The following PURG variants were observed in gnomAD, a reference collection of about 807,000 sequenced individuals.
PURG encodes the protein purine rich element binding protein G.
A neutral mutation model predicts 24.3 loss-of-function variants in PURG; 3 were observed. That is an observed-to-expected ratio of 0.12 (90% CI 0.06 to 0.32). The LOEUF (loss-of-function observed/expected upper bound fraction) is 0.32. Ranked by LOEUF, PURG falls within the 10% of genes least tolerant of loss-of-function variation. The pLI is 1.00. For synonymous variants in PURG, 180 were observed against 173.1 expected (o/e 1.04, Z -0.31); for missense variants, 371 against 439.1 (o/e 0.84, Z 1.39).
At position 31,017,327 on chromosome 8, in the gene PURG, CATATA is replaced by C. The variant is rs1036798078; in HGVS notation, c.864+14587_864+14591del. On this transcript the variant is annotated intron_variant, in intron 1 of 1. Coordinates refer to the PURG transcript ENST00000339382. ...TTGGGATCTCTTTTAAAAATTTTTACATATATATGTAAAAAATTGTATATATATGC... is the reference window on the plus strand; with the variant it reads ...TTGGGATCTCTTTTAAAAATTTTTACTATGTAAAAAATTGTATATATATGC... 4.0e-5 allele frequency among the ~76,000 whole-genome samples: 6 copies of C among 151,792 alleles called. 1 individual carries two copies. Among genetic ancestry groups the C allele is most frequent in the African/African-American group, 1.5e-4 (6 of 41,370 alleles).
intron 1 of PURG, among the ~76,000 whole-genome samples, chr8:31,001,534 C>T (rs10954771): frequency 0.57 from 86,672 of 151,972 alleles, 25,538 homozygotes; most frequent in East Asian, 0.96. Context: ...TGTGAGTACC[C>T]GTACTGTATG....
intron 1 of PURG, among the ~76,000 whole-genome samples, chr8:30,997,746 T>A (rs1291896301): frequency 6.6e-6 from 1 of 151,798 alleles, no homozygotes. Flanking sequence ...TCCTTATGAA[T>A]GTCAGAAAGA....
intron 1 of PURG, among the ~76,000 whole-genome samples, chr8:31,023,528 G>A (rs1228719303): frequency 1.3e-5 from 2 of 149,550 alleles, no homozygotes; most frequent in Non-Finnish European, 3.0e-5. Flanking sequence ...CTGGGCGATA[G>A]AGTGAGACTG....
chr8:31,016,047 T>C (rs1039360099), intron 1 of PURG, among the ~76,000 whole-genome samples: 2 of 151,914 alleles, frequency 1.3e-5, no homozygotes, highest in African/African-American at 2.4e-5. Context: ...AACAAGACCC[T>C]GTCTCAAAAA....
downstream of PURG, among the ~76,000 whole-genome samples, chr8:31,028,781 C>A (rs955556880): frequency 1.3e-5 from 2 of 151,840 alleles, no homozygotes. Flanking sequence ...CAAGAGGAAC[C>A]CGTTTCCAAA....
chr8:31,013,106 A>G (rs1244641454), intron 1 of PURG, among the ~76,000 whole-genome samples: 1 of 152,282 alleles, frequency 6.6e-6, no homozygotes, highest in East Asian at 1.9e-4. Flanking sequence ...AATATGCTTC[A>G]AGTCAGATGC....
At chr8:31,006,432 A>C (rs1211636087) in intron 1 of PURG, among the ~76,000 whole-genome samples, 1 of 152,160 alleles carries the variant, frequency 6.6e-6, no homozygotes, top group Non-Finnish European at 1.5e-5. Context: ...TGTCTCTACT[A>C]AAAATATAAA....
At chr8:31,019,185 AT>A in intron 1 of PURG, among the ~76,000 whole-genome samples, 1 of 115,878 alleles carries the variant, frequency 8.6e-6, no homozygotes, top group Non-Finnish European at 1.8e-5. Flanking sequence ...ATATATATAT[AT>A]ATATATATGG....
At chr8:31,023,723 T>C (rs2129833165) in intron 1 of PURG, among the ~76,000 whole-genome samples, 1 of 152,264 alleles carries the variant, frequency 6.6e-6, no homozygotes, top group South Asian at 2.1e-4. Context: ...ACAAGTCCTC[T>C]AAAACAGAAC....
At position 31,032,606 on chromosome 8, in the gene PURG, C is replaced by G. The variant is rs767462226; in HGVS notation, c.177G>C (p.Glu59Asp). 6.8e-6 allele frequency: 11 copies of G among 1,608,390 alleles called. No individual in the cohort carries two copies. The highest frequency in any genetic ancestry group is 8.5e-6 in the Non-Finnish European group (10 of 1,176,284). The part of the protein sequence containing the change: ...NQAGGAAEIQ[E>D]LASKRVDIQK... Reference sequence around the variant, plus strand: ...GGATGTCCACTCGTTTGGAGGCCAGCTCCTGGATTTCGGCTGCGCCCCCGG... The same window carrying G: ...GGATGTCCACTCGTTTGGAGGCCAGGTCCTGGATTTCGGCTGCGCCCCCGG... The change falls in exon 2 of 2, where the codon GAG becomes GAC. Residue 59 changes from glutamate to aspartate, a missense_variant. Glu to Asp is a conservative substitution (Grantham distance 45). Around this residue, in one of 5 missense-constraint regions of PURG, gnomAD observed 213 missense variants for 230.6 expected, o/e 0.92. Coordinates refer to ENST00000523392, the MANE Select transcript of PURG (RefSeq NM_001323311.2). The surrounding 1 kb of genome is among the most constrained non-coding windows in gnomAD (Gnocchi z 5.9).
At chr8:31,019,221 T>C (rs1223580959) in intron 1 of PURG, among the ~76,000 whole-genome samples, 2 of 131,358 alleles carry the variant, frequency 1.5e-5, no homozygotes, top group African/African-American at 5.8e-5. Context: ...AACATATTAA[T>C]TATAGTACAG....
rs76627529 is a variant in PURG, at chr8:31,009,670, A to G, written c.865-12973T>C. 5.9e-3 allele frequency among the ~76,000 whole-genome samples: 893 copies of G among 152,300 alleles called. 11 individuals carry two copies. Among genetic ancestry groups the G allele is most frequent in the African/African-American group, 0.021 (859 of 41,554 alleles). On this transcript the variant is annotated intron_variant, in intron 1 of 1. Coordinates refer to the PURG transcript ENST00000339382. The stretch of plus-strand genomic sequence containing the variant: ...GATTTTCTGCTTTAATAAATACAAC[A>G]TAATAAATGTGATTAAATTTTGCAT...
Position 31,033,091 on chromosome 8 carries a change from T to G in PURG, c.-20A>C, listed in dbSNP as rs1454815733. On this transcript the variant is annotated 5_prime_UTR_variant, in exon 1 of 2. An upstream start codon of the reference 5' UTR is lost. Coordinates refer to ENST00000523392, the MANE Select transcript of PURG (RefSeq NM_001323311.2). ...GCGGGCACTCACATCATCTCTGCCA[T>G]CACCGCCGCCGCCGATGCCCTTCAC... 9.5e-6 allele frequency: 2 copies of G among 209,752 alleles called. No individual in the cohort carries two copies. Among genetic ancestry groups the G allele is most frequent in the Non-Finnish European group, 1.8e-5 (2 of 108,528 alleles). 13.0% of individuals were successfully genotyped at this position (209,752 alleles called of 1,614,324 possible). A position where few individuals can be genotyped will look rare whatever the true frequency, so the allele number is the denominator to read the frequency against.
intron 1 of PURG, among the ~76,000 whole-genome samples, chr8:31,004,206 T>C (rs555866342): frequency 5.9e-5 from 9 of 152,228 alleles, no homozygotes; most frequent in Non-Finnish European, 1.2e-4. Flanking sequence ...CTGCTCTTAC[T>C]GTATCTACTC....
intron 1 of PURG, among the ~76,000 whole-genome samples, chr8:31,021,454 C>G (rs772181643): frequency 5.3e-5 from 8 of 152,144 alleles, no homozygotes; most frequent in Middle Eastern, 3.2e-3. Flanking sequence ...AACTAAAGAT[C>G]AAATAACTTG....
intron 1 of PURG, among the ~76,000 whole-genome samples, chr8:31,016,688 T>C (rs1428816598): frequency 3.3e-5 from 5 of 149,974 alleles, no homozygotes; most frequent in South Asian, 2.1e-4. Flanking sequence ...AGTAAGACGA[T>C]GAAAAATGCC....
intron 1 of PURG, among the ~76,000 whole-genome samples, chr8:31,016,888 A>G (rs1352833078): frequency 6.6e-6 from 1 of 152,210 alleles, no homozygotes; most frequent in Non-Finnish European, 1.5e-5. Flanking sequence ...TTTAATACTT[A>G]AGAGTATCTT....
intron 1 of PURG, among the ~76,000 whole-genome samples, chr8:31,003,944 C>T (rs1046800410): frequency 6.6e-6 from 1 of 152,184 alleles, no homozygotes; most frequent in Non-Finnish European, 1.5e-5. Flanking sequence ...GCCAGCTCAA[C>T]CTTCTCCTTT....
chr8:31,027,056 ATGAGT>A (rs1186420487), downstream of PURG, among the ~76,000 whole-genome samples: 1 of 151,736 alleles, frequency 6.6e-6, no homozygotes, highest in Non-Finnish European at 1.5e-5. Context: ...ATGGTGGACT[ATGAGT>A]TGTTTCAACA....
Sources: allele counts gnomAD v4.1 joint callset (sites outside exome capture counted in the v4.1 genomes callset), GRCh38; gene constraint gnomAD v4.1.1; regional missense constraint gnomAD v4.1.1; non-coding constraint Gnocchi (gnomAD v3.1); transcripts MANE v1.5; gene names NCBI Gene and HGNC (gene_info 2026-07-23, HGNC 2026-07-21).